Variants in ZFHX4 observed in about 807,000 individuals in gnomAD.
ZFHX4 encodes zinc finger homeobox 4, also known as zinc finger homeobox protein 4.
ZFHX4 carries 56 observed loss-of-function variants against 267.6 expected under a neutral mutation model. The ratio of observed to expected loss-of-function variants is 0.21; its 90% CI spans 0.17 to 0.26. The LOEUF (loss-of-function observed/expected upper bound fraction) is 0.26, where lower values mean the gene tolerates loss of function less well. Ranked by LOEUF, ZFHX4 falls within the 10% of genes least tolerant of loss-of-function variation. The pLI is 1.00. For synonymous variants in ZFHX4, 1,778 were observed against 1,665.6 expected, an observed-to-expected ratio of 1.07 and a Z score of -1.64; for missense variants, 4,332 against 4,420.0, an observed-to-expected ratio of 0.98 and a Z score of 0.56.
intron 4 of ZFHX4, among the ~76,000 whole-genome samples, chr8:76,805,346 G>A (rs1196311181): frequency 6.6e-6 from 1 of 152,014 alleles, no homozygotes; most frequent in Non-Finnish European, 1.5e-5. Context: ...TTGTTGTAAA[G>A]GATAAAGGGA....
At chr8:76,810,658 C>T (rs1563535639) in intron 4 of ZFHX4, among the ~76,000 whole-genome samples, 1 of 152,164 alleles carries the variant, frequency 6.6e-6, no homozygotes, top group East Asian at 1.9e-4. Context: ...AACCGTTATA[C>T]TGGCAGATGT....
chr8:76,758,484 TTTTG>T (rs569657686), intron 3 of ZFHX4, among the ~76,000 whole-genome samples: 29 of 152,156 alleles, frequency 1.9e-4, no homozygotes, highest in African/African-American at 4.8e-4. Flanking sequence ...AAAAGAGTTT[TTTTG>T]TTTGTTTGTT....
At position 76,853,647 on chromosome 8, in the gene ZFHX4, A is replaced by G; in HGVS notation, c.6726A>G (p.Gln2242=). The G allele has an allele frequency of 6.2e-7, 1 of 1,613,790 alleles. No individual in the cohort carries two copies. The highest frequency in any genetic ancestry group is 1.3e-5 in the African/African-American group (1 of 75,020). The change falls in exon 10 of 11, where the codon CAA becomes CAG. Residue 2242 remains glutamine (Q), a synonymous_variant. Transcript: ENST00000651372. ...CTGACTACCAGCTTAGGGTTCTGCA[A>G]GACTTTTTTGACACAAACGCTTACC... is the stretch of plus-strand genomic sequence containing the variant. ...RFTDYQLRVL[Q]DFFDTNAYPK... is the part of the protein sequence containing the mutation.
At chr8:76,697,470 G>A (rs1309591512) in intron 1 of ZFHX4, among the ~76,000 whole-genome samples, 2 of 151,980 alleles carry the variant, frequency 1.3e-5, no homozygotes, top group African/African-American at 4.8e-5. Context: ...ATGCCAGAGA[G>A]ATTAGTCAGT....
chr8:76,762,793 T>A (rs914210805), intron 3 of ZFHX4, among the ~76,000 whole-genome samples: 4 of 152,216 alleles, frequency 2.6e-5, no homozygotes, highest in Non-Finnish European at 2.9e-5. Context: ...GTAATCATCG[T>A]ATTGACTCTC....
chr8:76,772,298 G>T (rs1810284732), intron 3 of ZFHX4, among the ~76,000 whole-genome samples: 4 of 152,122 alleles, frequency 2.6e-5, no homozygotes, highest in Admixed American at 2.6e-4. Context: ...TTTCTGAGTG[G>T]ATATGCTAAG....
chr8:76,683,883 G>A (rs1281799046), intron 1 of ZFHX4: 2 of 151,848 alleles, frequency 1.3e-5, no homozygotes, highest in African/African-American at 4.8e-5. Flanking sequence ...CTGAGACTTG[G>A]CTGCGATTGG....
chr8:76,686,026 G>C (rs1807684202), intron 1 of ZFHX4, among the ~76,000 whole-genome samples: 1 of 152,236 alleles, frequency 6.6e-6, no homozygotes, highest in South Asian at 2.1e-4. Flanking sequence ...TTTGGAGAGA[G>C]GTCAAAATAA....
chr8:76,793,036 T>A (rs1302548522), intron 4 of ZFHX4, among the ~76,000 whole-genome samples: 1 of 152,114 alleles, frequency 6.6e-6, no homozygotes, highest in Admixed American at 6.6e-5. Context: ...GGAGAACACA[T>A]CATTTTTCTA....
chr8:76,760,946 A>T (rs1809896718), intron 3 of ZFHX4, among the ~76,000 whole-genome samples: 1 of 150,526 alleles, frequency 6.6e-6, no homozygotes, highest in Non-Finnish European at 1.5e-5. Flanking sequence ...AAAAAAAAAA[A>T]AAAAGAGAAA....
At chr8:76,748,725 A>T (rs1038726711) in intron 3 of ZFHX4, among the ~76,000 whole-genome samples, 2 of 152,126 alleles carry the variant, frequency 1.3e-5, no homozygotes, top group African/African-American at 2.4e-5. Flanking sequence ...AAAACAAAAA[A>T]ATTGTTACCT....
At chr8:76,859,927 C>T (rs964102931) in intron 10 of ZFHX4, among the ~76,000 whole-genome samples, 5 of 151,938 alleles carry the variant, frequency 3.3e-5, no homozygotes, top group Non-Finnish European at 5.9e-5. Context: ...AGAAAGAAAA[C>T]CCAACAAAAT....
chr8:76,692,175 A>C (rs1807842718), intron 1 of ZFHX4, among the ~76,000 whole-genome samples: 1 of 152,070 alleles, frequency 6.6e-6, no homozygotes. Context: ...TAGGACAGAA[A>C]CAGTTTTTCA....
At chr8:76,768,923 A>C (rs1303779024) in intron 3 of ZFHX4, among the ~76,000 whole-genome samples, 2 of 152,138 alleles carry the variant, frequency 1.3e-5, no homozygotes, top group African/African-American at 2.4e-5. Flanking sequence ...CAAACAAAAC[A>C]GAAGCAACTA....
intron 4 of ZFHX4, among the ~76,000 whole-genome samples, chr8:76,794,583 C>T (rs1004412920): frequency 6.6e-6 from 1 of 152,116 alleles, no homozygotes; most frequent in African/African-American, 2.4e-5. Flanking sequence ...TCTCTATATA[C>T]TCTACATGAT....
At chr8:76,686,918 T>C (rs1458254264) in intron 1 of ZFHX4, among the ~76,000 whole-genome samples, 1 of 152,200 alleles carries the variant, frequency 6.6e-6, no homozygotes, top group Admixed American at 6.5e-5. Flanking sequence ...GCCTAAGGGC[T>C]GTACCCACAG....
intron 3 of ZFHX4, among the ~76,000 whole-genome samples, chr8:76,751,822 G>T (rs567350180): frequency 1.3e-5 from 2 of 152,146 alleles, no homozygotes; most frequent in Non-Finnish European, 2.9e-5. Context: ...TAGCTACGAT[G>T]ATGAGCATCA....
intron 1 of ZFHX4, among the ~76,000 whole-genome samples, chr8:76,689,149 G>A (rs1170222830): frequency 6.6e-6 from 1 of 151,802 alleles, no homozygotes; most frequent in Non-Finnish European, 1.5e-5. Context: ...AGTCTTAAAA[G>A]AACAAAAAAA....
In ZFHX4 at chr8:76,863,107, C is replaced by T. The variant is rs778896501; in HGVS notation, c.9393C>T (p.Pro3131=). 9 of 1,517,596 alleles carry T rather than the reference C, an allele frequency of 5.9e-6. No individual in the cohort carries two copies. Among genetic ancestry groups the T allele is most frequent in the East Asian group, 2.5e-5 (1 of 40,728 alleles). 94.0% of individuals were successfully genotyped at this position (1,517,596 alleles called of 1,614,324 possible). Residue 3131 remains proline (P), a synonymous_variant, in exon 11 of 11, where the codon CCC becomes CCT. Coordinates refer to ENST00000651372, the MANE Select transcript of ZFHX4 (RefSeq NM_024721.5). ...FPQNSNTLTP[P]GAGMLGFPTS... ...TGTTGTTTTCAGCTTTAACACCTCC[C>T]GGTGCAGGCATGCTTGGGTTTCCTA...
Sources: allele counts gnomAD v4.1 joint callset (sites outside exome capture counted in the v4.1 genomes callset), GRCh38; gene constraint gnomAD v4.1.1; transcripts MANE v1.5; gene names NCBI Gene and HGNC (gene_info 2026-07-23, HGNC 2026-07-21).